LARP1B: variants seen among roughly 807,000 people sequenced by gnomAD.
LARP1B encodes the protein la-related protein 1B.
LARP1B carries 76 observed loss-of-function variants against 114.2 expected under a neutral mutation model. That is an observed-to-expected ratio of 0.67 (90% CI 0.55 to 0.81). The LOEUF is 0.81. LARP1B is among the 30% of genes least tolerant of loss of function. The pLI is 0.00. For synonymous variants in LARP1B, 345 were observed against 348.0 expected (o/e 0.99, Z 0.10); for missense variants, 1,014 against 1,075.8 (o/e 0.94, Z 0.80).
rs144601484 is a variant in LARP1B, at chr4:128,211,816, T to C, written c.*1763T>C. ...ACTGAATATACAAGTGTAAATTTGA[T>C]TGGAAAATTGTATATTATAAATGAA... is the stretch of plus-strand genomic sequence containing the variant. On this transcript the variant is annotated 3_prime_UTR_variant, in exon 20 of 20. Coordinates refer to ENST00000326639, the MANE Select transcript of LARP1B (RefSeq NM_018078.4). The C allele has an allele frequency of 7.8e-5, 63 of 802,978 alleles. No individual in the cohort carries two copies. The African/African-American group carries it at 1.1e-3, about 15-fold the overall frequency. 49.7% of individuals were successfully genotyped at this position (802,978 alleles called of 1,614,324 possible). A position where few individuals can be genotyped will look rare whatever the true frequency, so the allele number is the denominator to read the frequency against.
intron 6 of LARP1B, among the ~76,000 whole-genome samples, chr4:128,220,014 T>C (rs1578855855): frequency 6.6e-6 from 1 of 152,118 alleles, no homozygotes; most frequent in East Asian, 1.9e-4. Flanking sequence ...GCCTCCTGAG[T>C]AGCTGGGATT....
intron 1 of LARP1B, among the ~76,000 whole-genome samples, 176 bp from the exon 2 acceptor site, chr4:128,074,284 A>G (rs1462084364): frequency 1.3e-5 from 2 of 152,196 alleles, no homozygotes; most frequent in African/African-American, 2.4e-5. Context: ...ACTGAAGATC[A>G]CCTTGAATCT....
At chr4:128,189,920 T>C (rs929379028) in intron 15 of LARP1B, among the ~76,000 whole-genome samples, 2 of 152,354 alleles carry the variant, frequency 1.3e-5, no homozygotes, top group East Asian at 3.9e-4. Context: ...ATATTTTCAG[T>C]AGATTTGTCT....
chr4:128,100,362 T>G (rs756014671), intron 8 of LARP1B, among the ~76,000 whole-genome samples: 2 of 152,062 alleles, frequency 1.3e-5, no homozygotes, highest in Non-Finnish European at 2.9e-5. Flanking sequence ...AACCTCCACC[T>G]CCTGGGTTCA....
intron 11 of LARP1B, among the ~76,000 whole-genome samples, chr4:128,151,283 A>C (rs1469748788): frequency 6.6e-6 from 1 of 152,234 alleles, no homozygotes; most frequent in Non-Finnish European, 1.5e-5. Context: ...ACTCTCCTAC[A>C]TAACCACAAT....
rs765401967 is a variant in LARP1B at position 128,200,545 on chromosome 4, A to G, written c.2189A>G (p.Gln730Arg). 1.3e-6 allele frequency: 2 copies of G among 1,538,340 alleles called. No individual in the cohort carries two copies. Among genetic ancestry groups the G allele is most frequent in the Non-Finnish European group, 1.7e-6 (2 of 1,145,426 alleles). ...GAGAGAAAACGCTTGGGAATTGGTC[A>G]GTCCCAAGAAATGAATACCCTCTTT... ...LSERKRLGIG[Q>R]SQEMNTLFRF... Residue 730 changes from glutamine to arginine, a missense_variant, in exon 17 of 20, where the codon CAG becomes CGG. Transcript: ENST00000326639.
intron 10 of LARP1B, among the ~76,000 whole-genome samples, chr4:128,115,549 T>C (rs1785501763): frequency 6.6e-6 from 1 of 152,170 alleles, no homozygotes; most frequent in African/African-American, 2.4e-5. Context: ...CCAGGGAGGG[T>C]GACAAAGTGA....
At chr4:128,221,342 C>A (rs577496759) in intron 7 of LARP1B, among the ~76,000 whole-genome samples, 4 of 152,180 alleles carry the variant, frequency 2.6e-5, no homozygotes, top group Non-Finnish European at 5.9e-5. Flanking sequence ...ACTGAAGATT[C>A]TGAACTGTTC....
chr4:128,211,101 G>A lies in LARP1B; in HGVS notation c.*1048G>A. ...GATGTAAATGGTAGTTTCAGTTTTTGTGAGATTTAAAAAAATAAAGCACTT... is the reference window on the plus strand; with the variant it reads ...GATGTAAATGGTAGTTTCAGTTTTTATGAGATTTAAAAAAATAAAGCACTT... On this transcript the variant is annotated 3_prime_UTR_variant, in exon 20 of 20. Coordinates refer to ENST00000326639, the MANE Select transcript of LARP1B (RefSeq NM_018078.4). 1.1e-6 allele frequency: 1 copy of A among 900,990 alleles called. No individual in the cohort carries two copies. The highest frequency in any genetic ancestry group is 1.3e-6 in the Non-Finnish European group (1 of 753,534). The allele number at this position is 900,990 out of a possible 1,614,324, so 55.8% of individuals were successfully genotyped here.
intron 15 of LARP1B, among the ~76,000 whole-genome samples, chr4:128,188,804 C>A (rs1255538941): frequency 6.6e-6 from 1 of 150,664 alleles, no homozygotes; most frequent in Non-Finnish European, 1.5e-5. Context: ...TGTGTAGATT[C>A]CAAAATTCTT....
chr4:128,188,748 A>G (rs1751203722), intron 15 of LARP1B, among the ~76,000 whole-genome samples: 1 of 152,154 alleles, frequency 6.6e-6, no homozygotes, highest in African/African-American at 2.4e-5. Context: ...TAATTTCTTT[A>G]TTAATCTGTT....
chr4:128,155,812 G>T, intron 11 of LARP1B: 1 of 1,588,622 alleles, frequency 6.3e-7, no homozygotes, highest in Non-Finnish European at 8.6e-7. Flanking sequence ...TAAACTGGAA[G>T]ATGAGAAATC....
In LARP1B at chr4:128,062,117, C is replaced by T. The variant is rs928734213; in HGVS notation, c.-78+716C>T. 5 of 985,338 alleles carry T rather than the reference C, an allele frequency of 5.1e-6. No homozygotes were observed. The South Asian group carries it at 2.3e-4, about 46-fold the overall frequency. 61.0% of individuals were successfully genotyped at this position (985,338 alleles called of 1,614,324 possible). On this transcript the variant is annotated intron_variant, in intron 1 of 19. Coordinates refer to ENST00000326639, the MANE Select transcript of LARP1B (RefSeq NM_018078.4). ...CCCTGCGGAAAAGCGGCAGCCGCCG[C>T]TGCTGCCGCCTAAGGGAAATCCCTG...
intron 8 of LARP1B, among the ~76,000 whole-genome samples, chr4:128,099,208 C>CT (rs888945358): frequency 6.0e-5 from 9 of 148,914 alleles, no homozygotes; most frequent in Non-Finnish European, 7.4e-5. Context: ...CTTTCAACAT[C>CT]TTTTTTTTTC....
chr4:128,098,150 TA>T (rs1319453595), intron 7 of LARP1B, 35 bp from the exon 8 acceptor site: 1 of 1,492,048 alleles, frequency 6.7e-7, no homozygotes, highest in Admixed American at 1.7e-5. Flanking sequence ...TATTTCCTAC[TA>T]AATAAATGGA....
rs146736294 is a variant in LARP1B, at chr4:128,097,512, G to A, written c.669-674G>A. ...AGTAGAGACAGGTTTTCTGCATGTT[G>A]GTCAGGCTGATCTTGAACTGCCGAC... On this transcript the variant is annotated intron_variant, in intron 7 of 19. Transcript: ENST00000326639. Among the ~76,000 whole-genome samples the A allele has an allele frequency of 5.9e-3, 896 of 151,914 alleles. 7 individuals are homozygous for A. The highest frequency in any genetic ancestry group is 9.7e-3 in the Non-Finnish European group (658 of 67,946).
At chr4:128,201,223 G>A (rs1204452308) in intron 17 of LARP1B, among the ~76,000 whole-genome samples, 2 of 152,150 alleles carry the variant, frequency 1.3e-5, no homozygotes, top group African/African-American at 2.4e-5. Context: ...CTGCCATATT[G>A]TATAGTCCAT....
intron 9 of LARP1B, among the ~76,000 whole-genome samples, chr4:128,112,466 ATTTTTT>A (rs1174266918): frequency 1.4e-4 from 10 of 69,322 alleles, no homozygotes; most frequent in South Asian, 6.3e-4. Flanking sequence ...TGCTTACTCT[ATTTTTT>A]TTTTTTTTTT....
chr4:128,185,534 G>GTT (rs56275913), intron 15 of LARP1B, among the ~76,000 whole-genome samples: 220 of 146,304 alleles, frequency 1.5e-3, no homozygotes, highest in Middle Eastern at 3.5e-3. Flanking sequence ...TATTTGTATT[G>GTT]TTTTTTTTTT....
Sources: allele counts gnomAD v4.1 joint callset (sites outside exome capture counted in the v4.1 genomes callset), GRCh38; gene constraint gnomAD v4.1.1; transcripts MANE v1.5; gene names NCBI Gene and HGNC (gene_info 2026-07-23, HGNC 2026-07-21).